Variants in DTNB observed in about 807,000 individuals in gnomAD.
DTNB encodes DTN-B.
In DTNB, 63 loss-of-function variants were observed where a neutral mutation model predicts 90.7. The ratio of observed to expected loss-of-function variants is 0.69; its 90% CI spans 0.57 to 0.86. DTNB has a LOEUF of 0.86. DTNB is among the 40% of genes least tolerant of loss of function. DTNB has a pLI of 0.00. For synonymous variants in DTNB, 277 were observed against 286.7 expected, an observed-to-expected ratio of 0.97 and a Z score of 0.34; for missense variants, 744 against 807.1, an observed-to-expected ratio of 0.92 and a Z score of 0.95.
intron 4 of DTNB, among the ~76,000 whole-genome samples, chr2:25,616,511 G>C (rs539073043): frequency 2.9e-3 from 435 of 151,190 alleles, no homozygotes; most frequent in African/African-American, 0.01. Flanking sequence ...AATTAACCTG[G>C]ATCAGCACTA....
intron 1 of DTNB, among the ~76,000 whole-genome samples, chr2:25,671,171 T>C (rs963803115): frequency 2.6e-5 from 4 of 152,204 alleles, no homozygotes; most frequent in East Asian, 1.9e-4. Context: ...AACTTTATCA[T>C]AGATACTTAA....
intron 3 of DTNB, among the ~76,000 whole-genome samples, chr2:25,629,061 C>A (rs1287299572): frequency 6.6e-6 from 1 of 151,736 alleles, no homozygotes; most frequent in Admixed American, 6.6e-5. Flanking sequence ...CTTAAGTGCA[C>A]AAAAAAAGTA....
intron 1 of DTNB, among the ~76,000 whole-genome samples, chr2:25,665,762 TTCTC>T (rs2084278834): frequency 6.8e-6 from 1 of 146,938 alleles, no homozygotes; most frequent in African/African-American, 2.5e-5. Flanking sequence ...TTCTTTTCTC[TTCTC>T]TTTCAGATTT....
At chr2:25,643,513 TCTA>T (rs1487147335) in intron 2 of DTNB, among the ~76,000 whole-genome samples, 8 of 152,222 alleles carry the variant, frequency 5.3e-5, no homozygotes, top group African/African-American at 1.9e-4. Context: ...AAAACTCTGA[TCTA>T]CTTTCTCCTA....
At chr2:25,611,445 A>G (rs140509218) in intron 4 of DTNB, among the ~76,000 whole-genome samples, 1 of 152,302 alleles carries the variant, frequency 6.6e-6, no homozygotes, top group African/African-American at 2.4e-5. Flanking sequence ...CTCAGTATTC[A>G]TGGGCAATTG....
chr2:25,566,890 T>A (rs1394454879), intron 8 of DTNB, among the ~76,000 whole-genome samples: 1 of 152,180 alleles, frequency 6.6e-6, no homozygotes, highest in Non-Finnish European at 1.5e-5. Context: ...TGTGGAGGAC[T>A]GACTTATGAG....
intron 10 of DTNB, among the ~76,000 whole-genome samples, chr2:25,477,410 C>T (rs996161872): frequency 2.6e-5 from 4 of 152,100 alleles, no homozygotes; most frequent in African/African-American, 9.7e-5. Context: ...TATACTGTGG[C>T]ATCTTCTGAT....
At chr2:25,468,816 T>TA (rs2062257030) in intron 10 of DTNB, among the ~76,000 whole-genome samples, 1 of 152,238 alleles carries the variant, frequency 6.6e-6, no homozygotes. Flanking sequence ...CTAAAGTGTT[T>TA]ACCTATAAGG....
chr2:25,457,648 T>C (rs2060250289), intron 10 of DTNB, among the ~76,000 whole-genome samples: 1 of 152,168 alleles, frequency 6.6e-6, no homozygotes, highest in Non-Finnish European at 1.5e-5. Context: ...AACTTTCCCA[T>C]GAAATATCTC....
At chr2:25,596,515 A>G (rs2148409617) in intron 5 of DTNB, 1 of 218,666 alleles carries the variant, frequency 4.6e-6, no homozygotes, top group East Asian at 1.1e-4. Flanking sequence ...GTTTAAAACT[A>G]GATGATATAT....
intron 3 of DTNB, among the ~76,000 whole-genome samples, chr2:25,631,777 C>T (rs1233426939): frequency 6.6e-6 from 1 of 152,102 alleles, no homozygotes; most frequent in East Asian, 1.9e-4. Flanking sequence ...TCAAAAAGTA[C>T]AGATACAGAC....
intron 9 of DTNB, among the ~76,000 whole-genome samples, chr2:25,523,241 A>T (rs1272190535): frequency 6.6e-6 from 1 of 152,132 alleles, no homozygotes; most frequent in Non-Finnish European, 1.5e-5. Context: ...GCAAATGCAC[A>T]AAGTACTATG....
intron 16 of DTNB, among the ~76,000 whole-genome samples, chr2:25,389,846 T>TTG (rs68107964): frequency 0.029 from 2,806 of 96,048 alleles, 22 homozygotes; most frequent in Admixed American, 0.039. Context: ...TTTGAATCAT[T>TTG]TGTGTGTGTG....
intron 14 of DTNB, among the ~76,000 whole-genome samples, chr2:25,428,812 C>T (rs942157151): frequency 1.3e-5 from 2 of 152,096 alleles, no homozygotes; most frequent in Admixed American, 6.6e-5. Flanking sequence ...CCAGTATTTA[C>T]CAAATATGCA....
At chr2:25,540,464 C>T (rs917819150) in intron 8 of DTNB, among the ~76,000 whole-genome samples, 1 of 152,066 alleles carries the variant, frequency 6.6e-6, no homozygotes, top group Admixed American at 6.6e-5. Context: ...AATTCACCAT[C>T]GCAATCATTT....
At chr2:25,461,741 C>T (rs1192809878) in intron 10 of DTNB, among the ~76,000 whole-genome samples, 5 of 152,208 alleles carry the variant, frequency 3.3e-5, no homozygotes, top group African/African-American at 4.8e-5. Context: ...CTGCTAACAA[C>T]ACTCCAGTAG....
chr2:25,595,674 T>C (rs1243984471), intron 6 of DTNB, among the ~76,000 whole-genome samples: 3 of 152,226 alleles, frequency 2.0e-5, no homozygotes, highest in Non-Finnish European at 2.9e-5. Flanking sequence ...AGGGATTTTA[T>C]GCTGGCGAGT....
At chr2:25,382,588 G>C (rs1325855034) in intron 19 of DTNB, among the ~76,000 whole-genome samples, 1 of 125,630 alleles carries the variant, frequency 8.0e-6, no homozygotes, top group African/African-American at 3.1e-5. Flanking sequence ...GAGTGCAGTT[G>C]CGTGATCTTG....
chr2:25,592,312 G>T (rs2148361262), intron 6 of DTNB, among the ~76,000 whole-genome samples: 1 of 151,980 alleles, frequency 6.6e-6, no homozygotes, highest in East Asian at 1.9e-4. Flanking sequence ...TAAAACCTAG[G>T]ATTAGGTTTT....
Sources: allele counts gnomAD v4.1 joint callset (sites outside exome capture counted in the v4.1 genomes callset), GRCh38; gene constraint gnomAD v4.1.1; transcripts MANE v1.5; gene names NCBI Gene and HGNC (gene_info 2026-07-23, HGNC 2026-07-21).